Variants in CAMTA1 observed in about 807,000 individuals in gnomAD.
CAMTA1 encodes the protein calmodulin-binding transcription activator 1.
A neutral mutation model predicts 170.9 loss-of-function variants in CAMTA1; 27 were observed. The observed-to-expected ratio is 0.16, with a 90% CI of 0.12 to 0.22. CAMTA1 has a LOEUF of 0.22. CAMTA1 is among the 10% of genes least tolerant of loss of function. The pLI, the probability that CAMTA1 is intolerant of heterozygous loss-of-function variation, is 1.00. For synonymous variants in CAMTA1, 833 were observed against 891.5 expected (o/e 0.93, Z 1.17); for missense variants, 1,619 against 2,217.2 (o/e 0.73, Z 5.42).
At chr1:7,075,844 G>A (rs1261636370) in intron 3 of CAMTA1, among the ~76,000 whole-genome samples, 4 of 151,130 alleles carry the variant, frequency 2.6e-5, no homozygotes, top group Admixed American at 6.6e-5. Flanking sequence ...TGTATTTTTA[G>A]TAGAGACGGG....
chr1:6,911,237 G>T (rs1679616710), intron 3 of CAMTA1, among the ~76,000 whole-genome samples: 1 of 152,314 alleles, frequency 6.6e-6, no homozygotes, highest in South Asian at 2.1e-4. Context: ...CAAATGGCAG[G>T]CTGGCTCTGT....
intron 3 of CAMTA1, among the ~76,000 whole-genome samples, chr1:7,004,224 C>T (rs1339510426): frequency 6.6e-6 from 1 of 152,172 alleles, no homozygotes; most frequent in Non-Finnish European, 1.5e-5. Flanking sequence ...AGCAGGGAGG[C>T]CAGTGTTATT....
At chr1:7,149,505 G>A (rs1357241549) in intron 4 of CAMTA1, among the ~76,000 whole-genome samples, 2 of 152,242 alleles carry the variant, frequency 1.3e-5, no homozygotes, top group Admixed American at 6.5e-5. Flanking sequence ...GTTTCGTAAC[G>A]GCCGTGTGGC....
Position 7,670,904 on chromosome 1 carries a change from T to A in CAMTA1, c.2653-7T>A, listed in dbSNP as rs2096055374. 1 of 1,613,362 alleles carries A rather than the reference T, an allele frequency of 6.2e-7. No individual in the cohort carries two copies. The highest frequency in any genetic ancestry group is 1.3e-5 in the African/African-American group (1 of 74,930). On this transcript the variant is annotated splice_polypyrimidine_tract_variant and splice_region_variant and intron_variant, in intron 9 of 22. Transcript: ENST00000303635. ...TCCAACTCTGTTCCCCTCTCTGTTC[T>A]CTGCAGGGAGGAGTGAAGGTCCTCA... is the stretch of plus-strand genomic sequence containing the variant.
chr1:7,051,956 C>A (rs902112141), intron 3 of CAMTA1, among the ~76,000 whole-genome samples: 14 of 152,210 alleles, frequency 9.2e-5, no homozygotes, highest in African/African-American at 3.1e-4. Context: ...CTCTCCGCAG[C>A]CTCCCCCTTC....
rs1336917468 is a variant in CAMTA1 at position 6,793,685 on chromosome 1, A to T, written c.45+8110A>T. On this transcript the variant is annotated intron_variant, in intron 1 of 22. Transcript: ENST00000303635. ...TGTCTTATATTAGAATGAAATGCAGATACAACCAGAGGTATTCTTTCAACG... is the reference window on the plus strand; with the variant it reads ...TGTCTTATATTAGAATGAAATGCAGTTACAACCAGAGGTATTCTTTCAACG... 3.9e-5 allele frequency among the ~76,000 whole-genome samples: 6 copies of T among 152,358 alleles called. No individual in the cohort carries two copies. The East Asian group carries it at 1.2e-3, about 29-fold the overall frequency.
chr1:7,104,177 TAC>T (rs1212114817), intron 4 of CAMTA1, among the ~76,000 whole-genome samples: 3 of 143,226 alleles, frequency 2.1e-5, no homozygotes, highest in African/African-American at 7.9e-5. Flanking sequence ...TACACACATA[TAC>T]ACACAACACA....
intron 3 of CAMTA1, among the ~76,000 whole-genome samples, chr1:6,826,863 AG>A (rs1429227709): frequency 1.3e-5 from 2 of 152,230 alleles, no homozygotes; most frequent in African/African-American, 4.8e-5. Context: ...TTTAGTTGGT[AG>A]ATTATTTCCA....
chr1:6,904,765 T>A (rs956975648), intron 3 of CAMTA1, among the ~76,000 whole-genome samples: 2,561 of 105,934 alleles, frequency 0.024, 72 homozygotes, highest in African/African-American at 0.085. Flanking sequence ...TTTTTTTTTT[T>A]AATTTTTGGC....
chr1:7,453,235 G>C (rs552845067), intron 5 of CAMTA1, among the ~76,000 whole-genome samples: 1 of 152,342 alleles, frequency 6.6e-6, no homozygotes, highest in East Asian at 1.9e-4. Flanking sequence ...GGAGGTTCAC[G>C]GGAGGAGGCT....
chr1:7,357,208 C>T lies in CAMTA1; in HGVS notation c.438+107582C>T, dbSNP rs764527621. On this transcript the variant is annotated intron_variant, in intron 5 of 22. Coordinates refer to ENST00000303635, the MANE Select transcript of CAMTA1 (RefSeq NM_015215.4). ...ATCCTACAGGGAGGAAAGAAGGCAT[C>T]GAGGGATGCCCCGCCCTCCCATTTT... 9.9e-5 allele frequency among the ~76,000 whole-genome samples: 15 copies of T among 152,228 alleles called. 1 individual carries two copies. The South Asian group carries it at 1.0e-3, about 11-fold the overall frequency.
At chr1:7,386,495 G>A (rs532831981) in intron 5 of CAMTA1, among the ~76,000 whole-genome samples, 12 of 152,290 alleles carry the variant, frequency 7.9e-5, no homozygotes, top group East Asian at 7.8e-4. Flanking sequence ...CAGCCTGCTC[G>A]GTGGAGCATC....
At chr1:7,529,622 C>T (rs1180968065) in intron 6 of CAMTA1, among the ~76,000 whole-genome samples, 5 of 152,148 alleles carry the variant, frequency 3.3e-5, no homozygotes, top group Non-Finnish European at 1.5e-5. Context: ...TGTGATACTT[C>T]TGCTGTCTAT....
intron 11 of CAMTA1, among the ~76,000 whole-genome samples, chr1:7,704,604 G>A (rs2096486116): frequency 1.3e-5 from 2 of 148,270 alleles, no homozygotes; most frequent in Admixed American, 6.7e-5. Context: ...GCCTCTGCCC[G>A]GCTCCGGGTG....
Position 7,680,237 on chromosome 1 carries a change from T to C in CAMTA1, c.2914+2504T>C. The C allele has an allele frequency of 3.9e-6, 1 of 256,648 alleles. No homozygotes were observed. The highest frequency in any genetic ancestry group is 8.4e-6 in the Non-Finnish European group (1 of 118,594). 15.9% of individuals were successfully genotyped at this position (256,648 alleles called of 1,614,324 possible). A position where few individuals can be genotyped will look rare whatever the true frequency, so the allele number is the denominator to read the frequency against. ...GGTGGTGAGCCTTCCGTTCCCCGCC[T>C]GTCCCTCCCGGCCCCTCCCCTCGGT... is the stretch of plus-strand genomic sequence containing the variant. On this transcript the variant is annotated intron_variant, in intron 11 of 22. Transcript: ENST00000303635. The surrounding 1 kb of genome is among the most constrained non-coding windows in gnomAD (Gnocchi z 4.4).
At chr1:7,564,065 T>C (rs535397848) in intron 6 of CAMTA1, among the ~76,000 whole-genome samples, 1 of 152,304 alleles carries the variant, frequency 6.6e-6, no homozygotes, top group South Asian at 2.1e-4. Context: ...GAGAATCAAA[T>C]AGAAGTTGAA....
chr1:7,013,428 G>A (rs1460112448), intron 3 of CAMTA1, among the ~76,000 whole-genome samples: 1 of 151,996 alleles, frequency 6.6e-6, no homozygotes, highest in Non-Finnish European at 1.5e-5. Flanking sequence ...GACCAGGCTG[G>A]TCTTGAACTC....
intron 5 of CAMTA1, among the ~76,000 whole-genome samples, chr1:7,436,271 C>T (rs937634439): frequency 3.3e-5 from 5 of 152,140 alleles, no homozygotes; most frequent in African/African-American, 1.2e-4. Flanking sequence ...GCCGCAGGCC[C>T]CTGTCCTCAG....
At chr1:7,452,864 G>A (rs995519362) in intron 5 of CAMTA1, among the ~76,000 whole-genome samples, 11 of 152,260 alleles carry the variant, frequency 7.2e-5, no homozygotes, top group Admixed American at 2.6e-4. Flanking sequence ...CAGTTCTTTT[G>A]GGCAGTTACC....
Sources: gnomAD v4.1 joint callset for allele counts (sites outside exome capture counted in the v4.1 genomes callset) on GRCh38, gnomAD v4.1.1 for gene constraint, Gnocchi (gnomAD v3.1) non-coding constraint, MANE v1.5 for transcripts, NCBI Gene and HGNC (gene_info 2026-07-23, HGNC 2026-07-21) for gene names.